DNAH7: variants seen among roughly 807,000 people sequenced by gnomAD.
DNAH7 encodes dynein axonemal heavy chain 7, also known as axonemal beta dynein heavy chain 7.
DNAH7 carries 397 observed loss-of-function variants against 444.6 expected under a neutral mutation model. That is an observed-to-expected ratio of 0.89 (90% CI 0.82 to 0.97). The LOEUF (loss-of-function observed/expected upper bound fraction) is 0.97, where lower values mean the gene tolerates loss of function less well. Among genes scored for constraint, DNAH7 ranks in the 50% least tolerant of loss-of-function variants. The pLI is 0.00. For synonymous variants in DNAH7, 1,636 were observed against 1,624.4 expected, an observed-to-expected ratio of 1.01 and a Z score of -0.17; for missense variants, 4,902 against 4,800.8, an observed-to-expected ratio of 1.02 and a Z score of -0.62.
At chr2:195,791,328 G>A (rs1036414748) in intron 57 of DNAH7, among the ~76,000 whole-genome samples, 4 of 149,998 alleles carry the variant, frequency 2.7e-5, no homozygotes, top group African/African-American at 7.4e-5. Context: ...TTAGCCGGGC[G>A]AGGTGGCGGG....
At chr2:196,014,108 C>G (rs1195768368) in intron 9 of DNAH7, among the ~76,000 whole-genome samples, 1 of 152,174 alleles carries the variant, frequency 6.6e-6, no homozygotes, top group East Asian at 1.9e-4. Flanking sequence ...TAGCATTACC[C>G]ATCTGGTCAA....
intron 57 of DNAH7, among the ~76,000 whole-genome samples, chr2:195,792,372 A>G (rs1426586307): frequency 6.8e-6 from 1 of 147,310 alleles, no homozygotes; most frequent in Non-Finnish European, 1.5e-5. Flanking sequence ...ATAAAAGTTG[A>G]AAGTACAAAA....
In DNAH7 at chr2:196,047,380, A is replaced by G; in HGVS notation, c.370T>C (p.Phe124Leu). Residue 124 changes from phenylalanine (F) to leucine (L), a missense_variant, in exon 5 of 65, where the codon TTT (phenylalanine) becomes CTT (leucine). Coordinates refer to ENST00000312428, the MANE Select transcript of DNAH7 (RefSeq NM_018897.3). ...ATGACATTAACAAGAGTACTTCTAA[A>G]GTTTTCTCGTTCTTTATGTGGAGAT... ...GKSPHKEREN[F>L]RSTLVNVIMQ... The G allele has an allele frequency of 6.3e-7, 1 of 1,598,288 alleles. No homozygotes were observed. Among genetic ancestry groups the G allele is most frequent in the South Asian group, 1.1e-5 (1 of 87,760 alleles).
intron 30 of DNAH7, among the ~76,000 whole-genome samples, chr2:195,892,260 C>T (rs577938416): frequency 2.6e-5 from 4 of 151,888 alleles, no homozygotes; most frequent in African/African-American, 7.3e-5. Context: ...ATTGGCATTA[C>T]GAAAAAAGGC....
intron 44 of DNAH7, among the ~76,000 whole-genome samples, chr2:195,857,135 T>C (rs1365141763): frequency 1.3e-5 from 2 of 152,188 alleles, no homozygotes; most frequent in East Asian, 3.8e-4. Flanking sequence ...CAAAATTTTA[T>C]TGGGGTCTTC....
chr2:195,828,611 T>TATATA (rs1491404849), intron 48 of DNAH7, among the ~76,000 whole-genome samples: 113 of 69,364 alleles, frequency 1.6e-3, no homozygotes, highest in African/African-American at 4.8e-3. Context: ...TATATATATA[T>TATATA]TTTTTTTTTT....
At chr2:195,758,108 C>T (rs948791831) in intron 61 of DNAH7, among the ~76,000 whole-genome samples, 1 of 152,182 alleles carries the variant, frequency 6.6e-6, no homozygotes, top group African/African-American at 2.4e-5. Flanking sequence ...AGGAAGGACA[C>T]AAGAAGAAGC....
chr2:196,017,038 G>C (rs1057379328), intron 9 of DNAH7, among the ~76,000 whole-genome samples: 4 of 152,024 alleles, frequency 2.6e-5, no homozygotes, highest in African/African-American at 9.7e-5. Flanking sequence ...CTGGAGTCTT[G>C]CTCTGTCACC....
chr2:195,956,516 T>C (rs546482514), intron 19 of DNAH7, among the ~76,000 whole-genome samples: 1 of 152,178 alleles, frequency 6.6e-6, no homozygotes, highest in South Asian at 2.1e-4. Flanking sequence ...CTGGGCATGG[T>C]GGCACACACC....
At chr2:195,989,930 CCT>C (rs913823488) in intron 12 of DNAH7, among the ~76,000 whole-genome samples, 3 of 152,142 alleles carry the variant, frequency 2.0e-5, no homozygotes, top group African/African-American at 4.8e-5. Context: ...GCCAATTAAA[CCT>C]CTTTTTTAAA....
In DNAH7 at chr2:195,900,297, A is replaced by T. The variant is rs369412871; in HGVS notation, c.4533T>A (p.Ala1511=). Residue 1511 remains alanine (A), a synonymous_variant, in exon 28 of 65, where the codon GCT becomes GCA. Coordinates refer to ENST00000312428, the MANE Select transcript of DNAH7 (RefSeq NM_018897.3). ...GMRAVKSVLT[A]AGNLKLKYPN... ...TGTTCTCTACCTTCAGATTCCCAGC[A>T]GCAGTAAGAACTGACTTCACGGCTC... 4.3e-6 allele frequency: 7 copies of T among 1,613,906 alleles called. No homozygotes were observed. The highest frequency in any genetic ancestry group is 5.9e-6 in the Non-Finnish European group (7 of 1,179,900).
intron 40 of DNAH7, among the ~76,000 whole-genome samples, chr2:195,868,198 C>A (rs1700470433): frequency 6.7e-6 from 1 of 149,766 alleles, no homozygotes; most frequent in South Asian, 2.1e-4. Flanking sequence ...CGGGTTCATG[C>A]CATTCTCCTG....
chr2:195,744,339 C>T (rs572813535), intron 63 of DNAH7, among the ~76,000 whole-genome samples: 11 of 152,320 alleles, frequency 7.2e-5, no homozygotes, highest in South Asian at 2.1e-4. Context: ...CCAGGCTTGC[C>T]TAGGTAAACA....
At chr2:196,031,779 T>A (rs973825860) in intron 5 of DNAH7, among the ~76,000 whole-genome samples, 1 of 152,170 alleles carries the variant, frequency 6.6e-6, no homozygotes, top group African/African-American at 2.4e-5. Flanking sequence ...TCAGCCTGGA[T>A]CTTATTGTCC....
chr2:195,752,204 A>G (rs1693834157), intron 63 of DNAH7, among the ~76,000 whole-genome samples: 1 of 151,704 alleles, frequency 6.6e-6, no homozygotes, highest in African/African-American at 2.4e-5. Context: ...CCAGGAGGTC[A>G]AGGCTGCAGT....
chr2:195,991,091 G>A (rs182082727), intron 12 of DNAH7, among the ~76,000 whole-genome samples: 89 of 151,248 alleles, frequency 5.9e-4, no homozygotes, highest in Non-Finnish European at 1.1e-3. Context: ...AGGTCACCCT[G>A]TAACAAATCT....
chr2:195,880,390 G>A (rs1462184763), intron 36 of DNAH7, among the ~76,000 whole-genome samples: 1 of 145,510 alleles, frequency 6.9e-6, no homozygotes, highest in Non-Finnish European at 1.5e-5. Context: ...GTGCAGTGGC[G>A]CGATCTCGGC....
chr2:195,755,384 G>A (rs983279005), intron 62 of DNAH7, among the ~76,000 whole-genome samples: 4 of 152,140 alleles, frequency 2.6e-5, no homozygotes, highest in African/African-American at 9.7e-5. Flanking sequence ...AGATTCTAAT[G>A]GTGAGTCAGT....
At chr2:195,810,923 G>T (rs1025871131) in intron 51 of DNAH7, among the ~76,000 whole-genome samples, 2 of 151,926 alleles carry the variant, frequency 1.3e-5, no homozygotes, top group Admixed American at 6.6e-5. Flanking sequence ...ATTAATACAG[G>T]GTGACTCACA....
Sources: gnomAD v4.1 joint callset for allele counts (sites outside exome capture counted in the v4.1 genomes callset) on GRCh38, gnomAD v4.1.1 for gene constraint, MANE v1.5 for transcripts, NCBI Gene and HGNC (gene_info 2026-07-23, HGNC 2026-07-21) for gene names.